DNAAF5: variants seen among roughly 807,000 people sequenced by gnomAD.
DNAAF5 encodes the protein HEAT repeat containing 2.
DNAAF5 carries 64 observed loss-of-function variants against 75.8 expected under a neutral mutation model. The observed-to-expected ratio is 0.84, with a 90% CI of 0.69 to 1.04. The LOEUF (loss-of-function observed/expected upper bound fraction) is 1.04, where lower values mean the gene tolerates loss of function less well. DNAAF5 is among the 50% of genes least tolerant of loss of function. DNAAF5 has a pLI of 0.00. For missense variants in DNAAF5, 1,269 were observed against 1,178.5 expected, an observed-to-expected ratio of 1.08 and a Z score of -1.12; for synonymous variants, 657 against 557.2, an observed-to-expected ratio of 1.18 and a Z score of -2.52.
At chr7:740,109 C>G (rs1417508794) in intron 2 of DNAAF5, among the ~76,000 whole-genome samples, 1 of 152,172 alleles carries the variant, frequency 6.6e-6, no homozygotes, top group Non-Finnish European at 1.5e-5. Context: ...CGGCTGGCTT[C>G]AGCCCCACCG....
At chr7:785,122 G>T (rs146073330) in intron 12 of DNAAF5, among the ~76,000 whole-genome samples, 1 of 152,140 alleles carries the variant, frequency 6.6e-6, no homozygotes, top group Non-Finnish European at 1.5e-5. Context: ...TGGGACTGCC[G>T]TGCACGTGGC....
chr7:763,335 C>A (rs980740380), intron 7 of DNAAF5, among the ~76,000 whole-genome samples: 4 of 152,202 alleles, frequency 2.6e-5, no homozygotes, highest in Non-Finnish European at 5.9e-5. Context: ...CCTAAGCCCC[C>A]AAGGAGAGCA....
chr7:751,454 C>T lies in DNAAF5; in HGVS notation c.1025-3135C>T, dbSNP rs77836542. 6.7e-3 allele frequency among the ~76,000 whole-genome samples: 1,019 copies of T among 152,020 alleles called. 31 individuals are homozygous for T. The East Asian group carries it at 0.12, about 17-fold the overall frequency. ...GGTCAGTGCTGCAGTGAGCTGTGAT[C>T]GTACCACTGCACTCCAGCCTGGGTG... On this transcript the variant is annotated intron_variant, in intron 4 of 12. Coordinates refer to ENST00000297440, the MANE Select transcript of DNAAF5 (RefSeq NM_017802.4).
intron 8 of DNAAF5, among the ~76,000 whole-genome samples, chr7:767,745 T>C (rs1363475868): frequency 6.6e-6 from 1 of 150,534 alleles, no homozygotes; most frequent in Non-Finnish European, 1.5e-5. Context: ...GAGCTGGCGC[T>C]GGGAGGGGAG....
intron 2 of DNAAF5, among the ~76,000 whole-genome samples, chr7:731,086 G>A (rs1250030045): frequency 1.3e-5 from 2 of 152,188 alleles, no homozygotes; most frequent in African/African-American, 2.4e-5. Context: ...AGTGCAGGCG[G>A]CCGGCTGGTT....
intron 9 of DNAAF5, among the ~76,000 whole-genome samples, chr7:773,207 T>G (rs781545475): frequency 1.3e-5 from 2 of 152,132 alleles, no homozygotes; most frequent in Non-Finnish European, 2.9e-5. Flanking sequence ...TGCGTGTAAA[T>G]CACACCACAC....
chr7:727,570 T>G, intron 1 of DNAAF5: 1 of 219,568 alleles, frequency 4.6e-6, no homozygotes, highest in East Asian at 8.8e-5. Flanking sequence ...GCTGCTCCCT[T>G]GTCCTCTACC....
chr7:777,617 A>C (rs1778806680), intron 11 of DNAAF5, among the ~76,000 whole-genome samples: 2 of 152,202 alleles, frequency 1.3e-5, no homozygotes, highest in African/African-American at 2.4e-5. Flanking sequence ...GATTAGCTCT[A>C]CTTAATGTGA....
chr7:776,871 C>T (rs555028069), intron 11 of DNAAF5, among the ~76,000 whole-genome samples: 1 of 152,226 alleles, frequency 6.6e-6, no homozygotes, highest in African/African-American at 2.4e-5. Context: ...AGCGAAACTT[C>T]ATCTGTGTTT....
At chr7:756,713 G>C in intron 5 of DNAAF5, 69 bp from the exon 6 acceptor site, 1 of 1,462,846 alleles carries the variant, frequency 6.8e-7, no homozygotes, top group South Asian at 1.2e-5. Flanking sequence ...AGGCCACGGC[G>C]CCGAGAGCAG....
At chr7:752,728 A>C (rs1308710155) in intron 4 of DNAAF5, among the ~76,000 whole-genome samples, 2 of 152,268 alleles carry the variant, frequency 1.3e-5, no homozygotes, top group African/African-American at 4.8e-5. Context: ...CAATGTGTGG[A>C]CTTCATCAAA....
rs745906443 is a variant in DNAAF5 at position 761,874 on chromosome 7, G to A, written c.1592G>A (p.Gly531Asp). ...CTGCTGACAATAGTGGCCCTCGCAG[G>A]TGCTACCGGCCTGAGGGACAAGGTA... ...DVLLTIVALA[G>D]ATGLRDKAQE... The change falls in exon 7 of 13, where the codon GGT becomes GAT. Residue 531 changes from glycine to aspartate, a missense_variant. Coordinates refer to ENST00000297440, the MANE Select transcript of DNAAF5 (RefSeq NM_017802.4). The A allele has an allele frequency of 1.5e-5, 24 of 1,580,832 alleles. 1 individual carries two copies. In the South Asian group the frequency reaches 2.1e-4, roughly 14 times the overall value.
chr7:733,508 C>A (rs539970250), intron 2 of DNAAF5, among the ~76,000 whole-genome samples: 1 of 151,858 alleles, frequency 6.6e-6, no homozygotes, highest in Non-Finnish European at 1.5e-5. Flanking sequence ...AGTTTTCTTT[C>A]TTTTTTTTGA....
intron 12 of DNAAF5, among the ~76,000 whole-genome samples, chr7:782,150 T>C (rs1257868251): frequency 2.6e-5 from 4 of 152,092 alleles, no homozygotes; most frequent in Non-Finnish European, 2.9e-5. Context: ...CGTCAGAAAC[T>C]CGGATCTTCG....
chr7:740,988 T>A (rs757483743), intron 3 of DNAAF5, 45 bp downstream of exon 3: 2 of 1,598,652 alleles, frequency 1.3e-6, no homozygotes, highest in Admixed American at 3.4e-5. Context: ...TAAACGGTCA[T>A]GTGTAGCAGT....
chr7:780,692 GAC>G (rs1778907130), intron 12 of DNAAF5, among the ~76,000 whole-genome samples: 1 of 152,188 alleles, frequency 6.6e-6, no homozygotes, highest in African/African-American at 2.4e-5. Flanking sequence ...CGCCAACAGC[GAC>G]ACAGGCCGTC....
Position 763,910 on chromosome 7 carries a change from G to C in DNAAF5, c.1719G>C (p.Ser573=), listed in dbSNP as rs374651851. 1 of 1,611,666 alleles carries C rather than the reference G, an allele frequency of 6.2e-7. No individual in the cohort carries two copies. Residue 573 remains serine, a synonymous_variant, in exon 8 of 13, where the codon TCG becomes TCC. Coordinates refer to ENST00000297440, the MANE Select transcript of DNAAF5 (RefSeq NM_017802.4). The part of the protein sequence containing the change: ...IGPLLERVTA[S]HLDWTAHSPE... ...CCCTCCTGGAGCGGGTGACCGCGTCGCACCTTGACTGGACCGCACACTCGC... is the reference window on the plus strand; with the variant it reads ...CCCTCCTGGAGCGGGTGACCGCGTCCCACCTTGACTGGACCGCACACTCGC...
chr7:753,988 A>C (rs1782400799), intron 4 of DNAAF5, among the ~76,000 whole-genome samples: 1 of 130,752 alleles, frequency 7.6e-6, no homozygotes, highest in East Asian at 2.4e-4. Context: ...ATGGCTTCGC[A>C]GGCGTGTGTC....
chr7:773,254 G>C (rs1474279079), intron 9 of DNAAF5, among the ~76,000 whole-genome samples: 1 of 152,232 alleles, frequency 6.6e-6, no homozygotes, highest in Non-Finnish European at 1.5e-5. Flanking sequence ...CTACCTGGCT[G>C]GTCCCAACAT....
Sources: gnomAD v4.1 joint callset for allele counts (sites outside exome capture counted in the v4.1 genomes callset) on GRCh38, gnomAD v4.1.1 for gene constraint, MANE v1.5 for transcripts, NCBI Gene and HGNC (gene_info 2026-07-23, HGNC 2026-07-21) for gene names.